CYP4F11: variants seen among roughly 807,000 people sequenced by gnomAD.
CYP4F11 encodes cytochrome P450 family 4 subfamily F member 11, also known as cytochrome P450 4F11.
CYP4F11 carries 79 observed loss-of-function variants against 62.2 expected under a neutral mutation model. The observed-to-expected ratio is 1.27, with a 90% CI of 1.06 to 1.53. The LOEUF (loss-of-function observed/expected upper bound fraction) is 1.53, where lower values mean the gene tolerates loss of function less well. Among genes scored for constraint, CYP4F11 ranks in the 40% most tolerant of loss-of-function variants. The probability of loss-of-function intolerance (pLI) is 0.00; values close to 1 mark genes in which losing one functional copy is unlikely to be tolerated. For synonymous variants in CYP4F11, 290 were observed against 263.7 expected (o/e 1.10, Z -0.97); for missense variants, 777 against 680.5 (o/e 1.14, Z -1.58).
At chr19:15,927,123 C>T in intron 4 of CYP4F11, 89 bp downstream of exon 4, 2 of 1,491,882 alleles carry the variant, frequency 1.3e-6, no homozygotes, top group Admixed American at 2.0e-5. Context: ...AGCATTGTCC[C>T]CAAAGCACAA....
At chr19:15,934,112 C>T in intron 1 of CYP4F11, 99 bp downstream of exon 1, 1 of 1,325,810 alleles carries the variant, frequency 7.5e-7, no homozygotes. Context: ...GTTCCCACAC[C>T]CCAGCCACCC....
chr19:15,918,904 CAAAT>C (rs977120748), intron 8 of CYP4F11, among the ~76,000 whole-genome samples: 1 of 128,184 alleles, frequency 7.8e-6, no homozygotes, highest in Non-Finnish European at 1.6e-5. Flanking sequence ...AGGTGTGAAA[CAAAT>C]AAAATATGGA....
rs894761751 is a variant in CYP4F11 at position 15,929,351 on chromosome 19, G to A, written c.343+106C>T. The A allele has an allele frequency of 3.3e-5, 47 of 1,427,558 alleles. No individual in the cohort carries two copies. The East Asian group carries it at 5.7e-4, about 17-fold the overall frequency. 88.4% of individuals were successfully genotyped at this position (1,427,558 alleles called of 1,614,324 possible). A position where few individuals can be genotyped will look rare whatever the true frequency, so the allele number is the denominator to read the frequency against. ...AACATGGCTGAGAGAGAAGCAGGAAGAGGGGCCTGGGCCCTGCAGGGGCCA... is the reference window on the plus strand; with the variant it reads ...AACATGGCTGAGAGAGAAGCAGGAAAAGGGGCCTGGGCCCTGCAGGGGCCA... On this transcript the variant is annotated intron_variant, in intron 2 of 11. Coordinates refer to ENST00000402119, the MANE Select transcript of CYP4F11 (RefSeq NM_021187.4).
intron 8 of CYP4F11, among the ~76,000 whole-genome samples, chr19:15,915,703 G>A (rs2089578446): frequency 6.6e-6 from 1 of 151,092 alleles, no homozygotes; most frequent in South Asian, 2.1e-4. Context: ...GTAGCTCCTG[G>A]GACTTGTATC....
intron 8 of CYP4F11, among the ~76,000 whole-genome samples, chr19:15,917,784 GA>G (rs777244490): frequency 6.6e-6 from 1 of 151,568 alleles, no homozygotes; most frequent in Non-Finnish European, 1.5e-5. Flanking sequence ...TCCACAAAAA[GA>G]AAAAAAATGG....
At chr19:15,914,439 G>C (rs760910097) in intron 10 of CYP4F11, 52 bp from the exon 11 acceptor site, 1 of 1,586,012 alleles carries the variant, frequency 6.3e-7, no homozygotes, top group Non-Finnish European at 8.6e-7. Flanking sequence ...AGTTGGGTGG[G>C]GTCTCCCAGT....
chr19:15,926,615 C>T (rs967628966), intron 4 of CYP4F11, among the ~76,000 whole-genome samples: 1 of 152,204 alleles, frequency 6.6e-6, no homozygotes, highest in African/African-American at 2.4e-5. Context: ...AGTCTCCTGG[C>T]AGTCTCTCAG....
At chr19:15,923,249 C>CTCTCTG (rs1160662613) in intron 6 of CYP4F11, among the ~76,000 whole-genome samples, 1 of 147,906 alleles carries the variant, frequency 6.8e-6, no homozygotes, top group Non-Finnish European at 1.5e-5. Flanking sequence ...CTCTCTCTCT[C>CTCTCTG]TCTCTCTCTC....
intron 4 of CYP4F11, among the ~76,000 whole-genome samples, chr19:15,926,849 C>A (rs202011493): frequency 6.6e-6 from 1 of 151,908 alleles, no homozygotes; most frequent in African/African-American, 2.4e-5. Context: ...GAAGAACCAG[C>A]CAACTGTCTC....
Position 15,914,387 on chromosome 19 carries a change from C to T in CYP4F11, c.1315G>A (p.Val439Ile). Residue 439 changes from valine (V) to isoleucine (I), a missense_variant and splice_region_variant, in exon 11 of 12, where the codon GTC (valine) becomes ATC (isoleucine). Transcript: ENST00000402119. Reference sequence around the variant, plus strand: ...TGGTCGAAACGGAAGGGGTCGTAGACCTGCAGGTGAGACCAAGAAGGCTTG... The same window carrying T: ...TGGTCGAAACGGAAGGGGTCGTAGATCTGCAGGTGAGACCAAGAAGGCTTG... ...YNPTVWPDPE[V>I]YDPFRFDQEN... is the part of the protein sequence containing the mutation. The T allele has an allele frequency of 6.2e-7, 1 of 1,613,546 alleles. No homozygotes were observed. Among genetic ancestry groups the T allele is most frequent in the Non-Finnish European group, 8.5e-7 (1 of 1,179,668 alleles).
chr19:15,927,365 T>C (rs2089678336), intron 3 of CYP4F11, 26 bp from the exon 4 acceptor site: 18 of 1,613,708 alleles, frequency 1.1e-5, no homozygotes, highest in Non-Finnish European at 1.4e-5. Context: ...AGGACAGTGG[T>C]CAAGGGCAGC....
At chr19:15,934,611 G>T, upstream of CYP4F11, 1 of 581,808 alleles carries the variant, frequency 1.7e-6, no homozygotes, top group South Asian at 2.5e-5. Context: ...CAGTTACACA[G>T]AAAGGGAAAG....
At chr19:15,930,415 A>T (rs914980559) in intron 1 of CYP4F11, among the ~76,000 whole-genome samples, 1 of 152,000 alleles carries the variant, frequency 6.6e-6, no homozygotes, top group Non-Finnish European at 1.5e-5. Context: ...ACACAGCGAA[A>T]TCCCCGTGTC....
intron 8 of CYP4F11, among the ~76,000 whole-genome samples, chr19:15,917,832 G>A (rs936580801): frequency 5.3e-5 from 8 of 152,198 alleles, no homozygotes; most frequent in Admixed American, 1.3e-4. Flanking sequence ...TTAAGGAAAC[G>A]TTCACTAAAA....
intron 8 of CYP4F11, among the ~76,000 whole-genome samples, chr19:15,919,381 A>C (rs2089605923): frequency 6.6e-6 from 1 of 151,510 alleles, no homozygotes; most frequent in Non-Finnish European, 1.5e-5. Context: ...ATAGACAAGA[A>C]GGATGAATAG....
intron 8 of CYP4F11, among the ~76,000 whole-genome samples, chr19:15,917,027 G>C (rs2089588526): frequency 6.6e-6 from 1 of 152,090 alleles, no homozygotes; most frequent in Non-Finnish European, 1.5e-5. Context: ...CAATCTAAGT[G>C]CCCACTGACA....
Position 15,923,941 on chromosome 19 carries a change from C to A in CYP4F11, c.789G>T (p.Val263=). Residue 263 remains valine (V), a synonymous_variant, in exon 6 of 12, where the codon GTG becomes GTT. Transcript: ENST00000402119. ...GGATGACGGCATCTGTGAAGTCGTG[C>A]ACCAGGTGGCAGGCCCTGCGGAAGC... ...GQRFRRACHL[V]HDFTDAVIQE... is the part of the protein sequence containing the mutation. 1 of 1,614,158 alleles carries A rather than the reference C, an allele frequency of 6.2e-7. No homozygotes were observed. The highest frequency in any genetic ancestry group is 8.5e-7 in the Non-Finnish European group (1 of 1,180,030).
Position 15,913,763 on chromosome 19 carries a change from C to G in CYP4F11, c.1544G>C (p.Arg515Pro), listed in dbSNP as rs777979021. The change falls in exon 12 of 12, where the codon CGG becomes CCG. Residue 515 changes from arginine to proline, a missense_variant. By Grantham distance (103) the Arg-to-Pro change is moderately radical. Transcript: ENST00000402119. ...ILRAEGGLWL[R>P]VEPLGANSQ ...TGAGTTCGCACCCAGGGGCTCCACC[C>G]GCAGCCAAAGTCCACCCTCTGCGCG... The G allele has an allele frequency of 1.2e-6, 2 of 1,614,056 alleles. No homozygotes were observed. The highest frequency in any genetic ancestry group is 2.7e-5 in the African/African-American group (2 of 74,914).
At chr19:15,915,638 C>A (rs2089577903) in intron 8 of CYP4F11, among the ~76,000 whole-genome samples, 1 of 151,762 alleles carries the variant, frequency 6.6e-6, no homozygotes, top group Non-Finnish European at 1.5e-5. Flanking sequence ...ACATCATATA[C>A]TATACACATA....
Sources: gnomAD v4.1 joint callset for allele counts (sites outside exome capture counted in the v4.1 genomes callset) on GRCh38, gnomAD v4.1.1 for gene constraint, MANE v1.5 for transcripts, NCBI Gene and HGNC (gene_info 2026-07-23, HGNC 2026-07-21) for gene names.